ARHGAP24: variants seen among roughly 807,000 people sequenced by gnomAD.
ARHGAP24 encodes Rho GTPase activating protein 24.
In ARHGAP24, 50 loss-of-function variants were observed where a neutral mutation model predicts 76.4. The observed-to-expected ratio is 0.65, with a 90% CI of 0.52 to 0.83. The LOEUF (loss-of-function observed/expected upper bound fraction) is 0.83, where lower values mean the gene tolerates loss of function less well. ARHGAP24 is among the 40% of genes least tolerant of loss of function. The probability of loss-of-function intolerance (pLI) is 0.00; values close to 1 mark genes in which losing one functional copy is unlikely to be tolerated. For missense variants in ARHGAP24, 930 were observed against 914.2 expected, an observed-to-expected ratio of 1.02 and a Z score of -0.22; for synonymous variants, 345 against 323.3, an observed-to-expected ratio of 1.07 and a Z score of -0.72.
intron 1 of ARHGAP24, among the ~76,000 whole-genome samples, chr4:85,477,242 C>G (rs1722635628): frequency 6.6e-6 from 1 of 152,170 alleles, no homozygotes; most frequent in Non-Finnish European, 1.5e-5. Flanking sequence ...GAAACTCAGA[C>G]TGTCCTTGGC....
chr4:85,534,810 G>A (rs979474055), intron 1 of ARHGAP24, among the ~76,000 whole-genome samples: 5 of 151,940 alleles, frequency 3.3e-5, no homozygotes, highest in African/African-American at 4.8e-5. Context: ...GAAGTCACTA[G>A]CAGTGGCCTC....
At chr4:85,859,188 TACAC>T (rs956647377) in intron 3 of ARHGAP24, among the ~76,000 whole-genome samples, 6 of 133,968 alleles carry the variant, frequency 4.5e-5, no homozygotes, top group African/African-American at 1.1e-4. Flanking sequence ...TATACACACA[TACAC>T]ACATACATAG....
Position 85,977,709 on chromosome 4 carries a change from T to G in ARHGAP24, c.928+18T>G, listed in dbSNP as rs1432488691. 6 of 1,612,068 alleles carry G rather than the reference T, an allele frequency of 3.7e-6. No individual in the cohort carries two copies. The East Asian group carries it at 1.3e-4, about 36-fold the overall frequency. ...CATGGAGGGTAAGTAAATGATTATCTTATACCCTTATCAAAAGAAGAAGTA... is the reference window on the plus strand; with the variant it reads ...CATGGAGGGTAAGTAAATGATTATCGTATACCCTTATCAAAAGAAGAAGTA... On this transcript the variant is annotated intron_variant, in intron 8 of 9. Transcript: ENST00000395184.
At chr4:85,895,000 GCAAAAAA>G (rs1560701804) in intron 3 of ARHGAP24, among the ~76,000 whole-genome samples, 8 of 47,992 alleles carry the variant, frequency 1.7e-4, no homozygotes, top group African/African-American at 6.0e-4. Context: ...AAAACAAAAA[GCAAAAAA>G]AAAAAAAAAA....
intron 3 of ARHGAP24, among the ~76,000 whole-genome samples, chr4:85,867,808 A>T (rs949116817): frequency 6.7e-6 from 1 of 148,952 alleles, no homozygotes; most frequent in East Asian, 1.9e-4. Flanking sequence ...TGATAATTAT[A>T]TATATAAAAC....
intron 1 of ARHGAP24, among the ~76,000 whole-genome samples, chr4:85,551,267 C>G (rs1282220937): frequency 6.6e-6 from 1 of 152,154 alleles, no homozygotes; most frequent in African/African-American, 2.4e-5. Flanking sequence ...AAAGCCTTTT[C>G]TGAATCTATT....
At chr4:85,634,724 C>T (rs1266210079) in intron 2 of ARHGAP24, among the ~76,000 whole-genome samples, 2 of 151,874 alleles carry the variant, frequency 1.3e-5, no homozygotes, top group Non-Finnish European at 2.9e-5. Context: ...TTTTCCATTG[C>T]TGCCTTTGCC....
In ARHGAP24 at chr4:85,995,208, A is replaced by G. The variant is rs962560007; in HGVS notation, c.1554A>G (p.Glu518=). 1.3e-5 allele frequency: 21 copies of G among 1,613,894 alleles called. No individual in the cohort carries two copies. The highest frequency in any genetic ancestry group is 1.8e-5 in the Non-Finnish European group (21 of 1,180,034). Residue 518 remains glutamate (E), a synonymous_variant, in exon 9 of 10, where the codon GAA becomes GAG. Coordinates refer to ENST00000395184, the MANE Select transcript of ARHGAP24 (RefSeq NM_001025616.3). ...YVTLRDNKQK[E]QAGELGQHNR... ...CCCTGAGGGATAACAAGCAGAAAGA[A>G]CAAGCTGGAGAGTTAGGCCAGCACA...
intron 3 of ARHGAP24, among the ~76,000 whole-genome samples, chr4:85,753,962 ATGT>A (rs531480493): frequency 9.8e-4 from 150 of 152,314 alleles, no homozygotes; most frequent in African/African-American, 3.5e-3. Context: ...ATACAATAAA[ATGT>A]TGTTAACTAT....
chr4:85,728,575 C>A (rs1368289783), intron 3 of ARHGAP24, among the ~76,000 whole-genome samples: 1 of 152,102 alleles, frequency 6.6e-6, no homozygotes, highest in East Asian at 1.9e-4. Context: ...ACTCCACAGA[C>A]CTATTTTGCA....
At chr4:85,803,965 T>TC (rs1265123400) in intron 3 of ARHGAP24, among the ~76,000 whole-genome samples, 1 of 151,662 alleles carries the variant, frequency 6.6e-6, no homozygotes, top group African/African-American at 2.4e-5. Flanking sequence ...TTTTTTTTTT[T>TC]CCTCGAGATG....
chr4:85,843,740 C>T (rs1310579723), intron 3 of ARHGAP24, among the ~76,000 whole-genome samples: 1 of 151,996 alleles, frequency 6.6e-6, no homozygotes, highest in Non-Finnish European at 1.5e-5. Context: ...TATTTATTTA[C>T]AGAAAAATCA....
At chr4:85,507,907 TAGAC>T (rs1051034151) in intron 1 of ARHGAP24, among the ~76,000 whole-genome samples, 8 of 152,308 alleles carry the variant, frequency 5.3e-5, no homozygotes, top group Middle Eastern at 3.4e-3. Flanking sequence ...ATCTGCCTGA[TAGAC>T]AGCCATTCTT....
At chr4:85,807,666 G>A (rs761133124) in intron 3 of ARHGAP24, among the ~76,000 whole-genome samples, 28 of 152,062 alleles carry the variant, frequency 1.8e-4, no homozygotes, top group Admixed American at 3.3e-4. Context: ...TCCTGATGAC[G>A]GATGGTTTTG....
chr4:85,718,215 G>A (rs1724803270), intron 2 of ARHGAP24, among the ~76,000 whole-genome samples: 1 of 152,076 alleles, frequency 6.6e-6, no homozygotes, highest in South Asian at 2.1e-4. Flanking sequence ...AGCAGTAGAG[G>A]ATGTTAAAGT....
At chr4:85,881,679 G>A (rs1429425374) in intron 3 of ARHGAP24, among the ~76,000 whole-genome samples, 1 of 152,060 alleles carries the variant, frequency 6.6e-6, no homozygotes, top group Non-Finnish European at 1.5e-5. Context: ...TCCTAAGCAC[G>A]CTGAGATTCT....
chr4:85,974,534 G>C (rs902559702), intron 6 of ARHGAP24, among the ~76,000 whole-genome samples: 2 of 152,150 alleles, frequency 1.3e-5, no homozygotes, highest in East Asian at 3.9e-4. Context: ...TTCTGCACAT[G>C]CTGAAACTGG....
intron 3 of ARHGAP24, among the ~76,000 whole-genome samples, chr4:85,901,338 T>C (rs1361601570): frequency 3.3e-5 from 5 of 152,088 alleles, no homozygotes; most frequent in Non-Finnish European, 5.9e-5. Context: ...GATTTGTTTC[T>C]AGTTAGTATT....
intron 2 of ARHGAP24, among the ~76,000 whole-genome samples, chr4:85,697,301 C>T (rs1254665212): frequency 6.6e-6 from 1 of 152,094 alleles, no homozygotes; most frequent in Non-Finnish European, 1.5e-5. Context: ...GATAATGTGT[C>T]TGCATAGTTT....
Sources: allele counts gnomAD v4.1 joint callset (sites outside exome capture counted in the v4.1 genomes callset), GRCh38; gene constraint gnomAD v4.1.1; transcripts MANE v1.5; gene names NCBI Gene and HGNC (gene_info 2026-07-23, HGNC 2026-07-21).